The following BMP6 variants were observed in gnomAD, a reference collection of about 807,000 sequenced individuals.
BMP6 encodes the protein VG-1-R.
In BMP6, 17 loss-of-function variants were observed where a neutral mutation model predicts 54.1. That is an observed-to-expected ratio of 0.31 (90% CI 0.22 to 0.47). The LOEUF is 0.47. BMP6 is among the 20% of genes least tolerant of loss of function. The pLI is 1.00. For missense variants in BMP6, 720 were observed against 690.4 expected (o/e 1.04, Z -0.48); for synonymous variants, 328 against 291.2 (o/e 1.13, Z -1.28).
chr6:7,808,914 TAAAAAA>T (rs70982107), intron 1 of BMP6, among the ~76,000 whole-genome samples: 2 of 88,968 alleles, frequency 2.2e-5, no homozygotes, highest in East Asian at 3.2e-4. Flanking sequence ...ACCCTGTCTC[TAAAAAA>T]AAAAAAAAAA....
At chr6:7,735,598 T>A (rs75548941) in intron 1 of BMP6, among the ~76,000 whole-genome samples, 19 of 152,220 alleles carry the variant, frequency 1.2e-4, no homozygotes, top group Non-Finnish European at 2.5e-4. Flanking sequence ...GGTTTTTTTT[T>A]AAGATCAGTT....
At position 7,785,150 on chromosome 6, in the gene BMP6, C is replaced by T. The variant is rs181773885; in HGVS notation, c.664+57531C>T. The stretch of plus-strand genomic sequence containing the variant: ...ACACCAGATAGCTTTTATGGTGGTC[C>T]GCTTTTAGCATTTTATAAAAAGTGA... On this transcript the variant is annotated intron_variant, in intron 1 of 6. Transcript: ENST00000283147. 5.3e-5 allele frequency among the ~76,000 whole-genome samples: 8 copies of T among 152,236 alleles called. No homozygotes were observed. The East Asian group carries it at 5.8e-4, about 11-fold the overall frequency.
At chr6:7,737,676 G>C (rs557699306) in intron 1 of BMP6, among the ~76,000 whole-genome samples, 1 of 151,532 alleles carries the variant, frequency 6.6e-6, no homozygotes, top group Non-Finnish European at 1.5e-5. Context: ...AATAAAATTG[G>C]CAACTCCATT....
chr6:7,792,343 C>T (rs1758121197), intron 1 of BMP6, among the ~76,000 whole-genome samples: 1 of 152,192 alleles, frequency 6.6e-6, no homozygotes, highest in South Asian at 2.1e-4. Context: ...GATTACATAA[C>T]TGGGGACCGT....
At chr6:7,809,523 C>T (rs578189128) in intron 1 of BMP6, among the ~76,000 whole-genome samples, 2 of 152,020 alleles carry the variant, frequency 1.3e-5, no homozygotes, top group South Asian at 2.1e-4. Flanking sequence ...TATGTAGAGG[C>T]GGAAAAGGAT....
At chr6:7,784,431 G>A (rs531951711) in intron 1 of BMP6, among the ~76,000 whole-genome samples, 1 of 144,270 alleles carries the variant, frequency 6.9e-6, no homozygotes, top group African/African-American at 2.7e-5. Flanking sequence ...GTGTGTGTAG[G>A]CGTCTGAGTG....
At chr6:7,765,801 A>T (rs527487268) in intron 1 of BMP6, among the ~76,000 whole-genome samples, 38 of 152,334 alleles carry the variant, frequency 2.5e-4, no homozygotes, top group Middle Eastern at 3.4e-3. Context: ...TTCCTTCTGG[A>T]GGCTCTAGGG....
chr6:7,752,307 T>C (rs1303568673), intron 1 of BMP6, among the ~76,000 whole-genome samples: 2 of 152,220 alleles, frequency 1.3e-5, no homozygotes, highest in African/African-American at 4.8e-5. Context: ...TTGGTGACTC[T>C]CATTTTAGAC....
chr6:7,762,587 C>T (rs1757629518), intron 1 of BMP6, among the ~76,000 whole-genome samples: 1 of 152,096 alleles, frequency 6.6e-6, no homozygotes. Flanking sequence ...AGTAAAACGG[C>T]ACATAAATTC....
intron 1 of BMP6, among the ~76,000 whole-genome samples, chr6:7,797,049 C>T (rs779804183): frequency 3.9e-5 from 6 of 152,072 alleles, no homozygotes; most frequent in Admixed American, 6.6e-5. Flanking sequence ...TCAGTGTCTC[C>T]TTGAAAGAAT....
At chr6:7,844,716 G>C (rs1193822665) in intron 1 of BMP6, among the ~76,000 whole-genome samples, 2 of 152,102 alleles carry the variant, frequency 1.3e-5, no homozygotes, top group African/African-American at 4.8e-5. Flanking sequence ...AAGAGTAGCC[G>C]GGAGGAGAGG....
chr6:7,878,112 C>T (rs1759650638), intron 4 of BMP6, among the ~76,000 whole-genome samples: 2 of 152,174 alleles, frequency 1.3e-5, no homozygotes, highest in South Asian at 4.1e-4. Context: ...CCACTCTGAA[C>T]TGTCCCTTCT....
At chr6:7,780,790 C>T (rs1287566585) in intron 1 of BMP6, among the ~76,000 whole-genome samples, 1 of 152,008 alleles carries the variant, frequency 6.6e-6, no homozygotes, top group African/African-American at 2.4e-5. Context: ...CAGCTCACTG[C>T]AGTGTTGATC....
At chr6:7,874,047 G>A (rs539749180) in intron 4 of BMP6, among the ~76,000 whole-genome samples, 22 of 152,282 alleles carry the variant, frequency 1.4e-4, no homozygotes, top group Non-Finnish European at 3.1e-4. Flanking sequence ...GACACCTTTA[G>A]GAGCGCAGGG....
chr6:7,829,631 A>G (rs747901241), intron 1 of BMP6, among the ~76,000 whole-genome samples: 59 of 152,192 alleles, frequency 3.9e-4, no homozygotes, highest in Non-Finnish European at 6.0e-4. Context: ...GCTTGGGCCC[A>G]GGAGGTCGAG....
intron 2 of BMP6, among the ~76,000 whole-genome samples, chr6:7,861,058 C>T (rs1292192817): frequency 6.6e-6 from 1 of 150,756 alleles, no homozygotes; most frequent in African/African-American, 2.4e-5. Context: ...GCACTACAGC[C>T]TAGGTGACAG....
At chr6:7,776,165 T>C (rs1242335219) in intron 1 of BMP6, among the ~76,000 whole-genome samples, 1 of 152,202 alleles carries the variant, frequency 6.6e-6, no homozygotes, top group African/African-American at 2.4e-5. Flanking sequence ...GTTACCTAAG[T>C]TGAAGCAGAA....
At chr6:7,810,726 CTA>C (rs1345267310) in intron 1 of BMP6, among the ~76,000 whole-genome samples, 1 of 152,188 alleles carries the variant, frequency 6.6e-6, no homozygotes, top group Non-Finnish European at 1.5e-5. Context: ...TTTACTAAAA[CTA>C]TGTGTATGAA....
intron 1 of BMP6, among the ~76,000 whole-genome samples, chr6:7,746,793 C>A (rs1050770250): frequency 1.3e-5 from 2 of 152,186 alleles, no homozygotes; most frequent in East Asian, 3.8e-4. Context: ...ACGGTATTCG[C>A]GTCTTTGAAG....
Sources: gnomAD v4.1 joint callset for allele counts (sites outside exome capture counted in the v4.1 genomes callset) on GRCh38, gnomAD v4.1.1 for gene constraint, MANE v1.5 for transcripts, NCBI Gene and HGNC (gene_info 2026-07-23, HGNC 2026-07-21) for gene names.